ATCAY: variants seen among roughly 807,000 people sequenced by gnomAD.
The protein encoded by ATCAY is ATCAY kinesin light chain interacting caytaxin, also known as caytaxin.
ATCAY carries 22 observed loss-of-function variants against 47.7 expected under a neutral mutation model. The ratio of observed to expected loss-of-function variants is 0.46; its 90% CI spans 0.33 to 0.66. The LOEUF (loss-of-function observed/expected upper bound fraction) is 0.66, where lower values mean the gene tolerates loss of function less well. Ranked by LOEUF, ATCAY falls within the 30% of genes least tolerant of loss-of-function variation. The pLI is 0.02. For missense variants in ATCAY, 452 were observed against 515.0 expected, an observed-to-expected ratio of 0.88 and a Z score of 1.18; for synonymous variants, 216 against 207.6, an observed-to-expected ratio of 1.04 and a Z score of -0.35.
chr19:3,885,125 A>AAC (rs1293039764), intron 1 of ATCAY, among the ~76,000 whole-genome samples: 1 of 149,814 alleles, frequency 6.7e-6, no homozygotes, highest in South Asian at 2.1e-4. Context: ...AAAAAAAAAA[A>AAC]AAAAAAAAAA....
intron 12 of ATCAY, among the ~76,000 whole-genome samples, chr19:3,923,115 G>C (rs1453557714): frequency 6.6e-6 from 1 of 152,174 alleles, no homozygotes; most frequent in Non-Finnish European, 1.5e-5. Flanking sequence ...GACCCAGGAA[G>C]CTCCAAGCTA....
At chr19:3,895,883 T>C (rs1352026546) in intron 2 of ATCAY, among the ~76,000 whole-genome samples, 2 of 151,578 alleles carry the variant, frequency 1.3e-5, no homozygotes, top group African/African-American at 2.4e-5. Context: ...GCCTGGCTAA[T>C]ATGTTGTATT....
intron 2 of ATCAY, among the ~76,000 whole-genome samples, chr19:3,896,509 C>T (rs1248808590): frequency 6.6e-6 from 1 of 151,474 alleles, no homozygotes; most frequent in African/African-American, 2.4e-5. Context: ...TCAGATGATC[C>T]ACCTGCCTCG....
chr19:3,890,859 G>A (rs1055490540), intron 2 of ATCAY, among the ~76,000 whole-genome samples: 1 of 152,172 alleles, frequency 6.6e-6, no homozygotes, highest in African/African-American at 2.4e-5. Flanking sequence ...CCTCGTCTCT[G>A]GAAGAACTGA....
chr19:3,886,008 C>A (rs1180377774), intron 2 of ATCAY, among the ~76,000 whole-genome samples, 164 bp downstream of exon 2: 1 of 152,174 alleles, frequency 6.6e-6, no homozygotes, highest in Non-Finnish European at 1.5e-5. Context: ...GCCTGAGGCC[C>A]TGTGTGCGAG....
At chr19:3,908,410 T>C (rs1202588765) in intron 6 of ATCAY, 40 bp downstream of exon 6, 1 of 1,507,196 alleles carries the variant, frequency 6.6e-7, no homozygotes, top group Non-Finnish European at 9.1e-7. Flanking sequence ...GGGCCAGCTC[T>C]GATGCCTCCC....
intron 4 of ATCAY, among the ~76,000 whole-genome samples, chr19:3,906,686 G>A (rs907701081): frequency 3.9e-5 from 6 of 152,044 alleles, no homozygotes; most frequent in East Asian, 3.9e-4. Context: ...TCTCAAAGGC[G>A]ACCAAGATCC....
In ATCAY at chr19:3,913,738, C is replaced by A. The variant is rs114394657; in HGVS notation, c.867-20C>A. The A allele has an allele frequency of 4.4e-3, 7,108 of 1,609,626 alleles. 215 individuals are homozygous for A. In the African/African-American group the frequency reaches 0.075, roughly 17 times the overall value. On this transcript the variant is annotated intron_variant, in intron 8 of 12. Coordinates refer to ENST00000450849, the MANE Select transcript of ATCAY (RefSeq NM_033064.5). ...CCATGGGTTGCATTTCAGACCTCTC[C>A]CTCCTTCTCCCCCCGCCAGCGTCAA...
In ATCAY at chr19:3,907,981, T is replaced by G. The variant is rs1450726370; in HGVS notation, c.544+62T>G. The stretch of plus-strand genomic sequence containing the variant: ...GCCCGGCCCACTGGGCAACAGGGGG[T>G]TCGTCAGTGCCCCTCTCTGATGCAC... On this transcript the variant is annotated intron_variant, in intron 5 of 12. Transcript: ENST00000450849. This position sits in a 1 kb window ranked among gnomAD's most constrained non-coding sequence, Gnocchi z 5.1. 3 of 1,553,310 alleles carry G rather than the reference T, an allele frequency of 1.9e-6. No individual in the cohort carries two copies. Among genetic ancestry groups the G allele is most frequent in the Non-Finnish European group, 2.6e-6 (3 of 1,141,126 alleles).
chr19:3,908,471 C>A, intron 6 of ATCAY, 101 bp downstream of exon 6: 1 of 1,114,386 alleles, frequency 9.0e-7, no homozygotes, highest in Non-Finnish European at 1.3e-6. Context: ...CCTAGGAAGC[C>A]TGCCTGGCAC....
At chr19:3,924,406 G>A (rs2039048838) in intron 12 of ATCAY, among the ~76,000 whole-genome samples, 177 bp from the exon 13 acceptor site, 3 of 152,192 alleles carry the variant, frequency 2.0e-5, no homozygotes, top group East Asian at 1.9e-4. Flanking sequence ...GGCCCTCAGA[G>A]CCACACTTAG....
intron 6 of ATCAY, among the ~76,000 whole-genome samples, chr19:3,909,236 CA>C (rs1219999854): frequency 5.9e-4 from 69 of 116,148 alleles, no homozygotes; most frequent in African/African-American, 5.6e-4. Context: ...GATTCCGTCT[CA>C]AAAAAAAAAA....
At position 3,905,616 on chromosome 19, in the gene ATCAY, C is replaced by T. The variant is rs747475098; in HGVS notation, c.319C>T (p.Leu107=). Residue 107 remains leucine, a synonymous_variant, in exon 4 of 13, where the codon CTG becomes TTG. Transcript: ENST00000450849. ...DIETPDETDS[L]EFLGNGNELE... ...CGAGACCCCCGATGAGACCGACTCG[C>T]TGGAGTTCCTGGGGAATGGCAACGA... is the stretch of plus-strand genomic sequence containing the variant. 1 of 1,613,698 alleles carries T rather than the reference C, an allele frequency of 6.2e-7. No individual in the cohort carries two copies. Among genetic ancestry groups the T allele is most frequent in the East Asian group, 2.2e-5 (1 of 44,842 alleles).
At chr19:3,895,267 T>G (rs1239010113) in intron 2 of ATCAY, 1 of 455,362 alleles carries the variant, frequency 2.2e-6, no homozygotes, top group Non-Finnish European at 4.4e-6. Flanking sequence ...CAGGCTGGAG[T>G]GCAATGGCAC....
chr19:3,917,663 G>A, intron 9 of ATCAY, 79 bp from the exon 10 acceptor site: 1 of 1,433,776 alleles, frequency 7.0e-7, no homozygotes, highest in South Asian at 1.2e-5. Flanking sequence ...TTCTCTGCTT[G>A]AAAAGGAAAG....
intron 12 of ATCAY, among the ~76,000 whole-genome samples, chr19:3,923,303 A>G (rs2039035678): frequency 6.6e-6 from 1 of 152,244 alleles, no homozygotes; most frequent in African/African-American, 2.4e-5. Flanking sequence ...CAGAGACAAC[A>G]AACAGCAGAA....
intron 12 of ATCAY, among the ~76,000 whole-genome samples, chr19:3,922,514 C>T (rs2039029845): frequency 6.6e-6 from 1 of 152,092 alleles, no homozygotes; most frequent in African/African-American, 2.4e-5. Flanking sequence ...GAGTACCGCC[C>T]ACGACAAGTG....
At chr19:3,899,868 G>A (rs564659826) in intron 2 of ATCAY, among the ~76,000 whole-genome samples, 6 of 152,228 alleles carry the variant, frequency 3.9e-5, no homozygotes, top group Admixed American at 2.0e-4. Flanking sequence ...CACGGGCTGC[G>A]GCTTCAAGAA....
intron 2 of ATCAY, among the ~76,000 whole-genome samples, chr19:3,896,143 C>T (rs114608037): frequency 0.012 from 1,798 of 152,208 alleles, 39 homozygotes; most frequent in African/African-American, 0.042. Flanking sequence ...TGAGCCCCTG[C>T]GCCCAGTCTG....
Sources: allele counts gnomAD v4.1 joint callset (sites outside exome capture counted in the v4.1 genomes callset), GRCh38; gene constraint gnomAD v4.1.1; non-coding constraint Gnocchi (gnomAD v3.1); transcripts MANE v1.5; gene names NCBI Gene and HGNC (gene_info 2026-07-23, HGNC 2026-07-21).